The following PDSS2 variants were observed in gnomAD, a reference collection of about 807,000 sequenced individuals.
PDSS2 encodes the protein decaprenyl diphosphate synthase subunit 2.
Under a neutral mutation model 44.5 loss-of-function variants are expected in PDSS2, and 31 were observed. The ratio of observed to expected loss-of-function variants is 0.70; its 90% confidence interval spans 0.52 to 0.94. The LOEUF is 0.94. Ranked by LOEUF, PDSS2 falls within the 40% of genes least tolerant of loss-of-function variation. The probability of loss-of-function intolerance (pLI) is 0.00; values close to 1 mark genes in which losing one functional copy is unlikely to be tolerated. For synonymous variants in PDSS2, 157 were observed against 180.3 expected (o/e 0.87, Z 1.03); for missense variants, 452 against 482.2 (o/e 0.94, Z 0.59).
intron 6 of PDSS2, among the ~76,000 whole-genome samples, chr6:107,210,036 AC>A (rs1773143120): frequency 6.6e-6 from 1 of 152,078 alleles, no homozygotes; most frequent in South Asian, 2.1e-4. Context: ...TTTTAAAATA[AC>A]CCAATGAGCT....
intron 2 of PDSS2, among the ~76,000 whole-genome samples, chr6:107,296,169 G>C (rs939404342): frequency 6.6e-6 from 1 of 152,142 alleles, no homozygotes; most frequent in East Asian, 1.9e-4. Context: ...CCTTTATTTT[G>C]TGAGTCATTG....
chr6:107,225,440 C>T (rs1013664564), intron 4 of PDSS2, among the ~76,000 whole-genome samples: 4 of 151,706 alleles, frequency 2.6e-5, no homozygotes, highest in African/African-American at 9.7e-5. Flanking sequence ...TGTGAGCCAC[C>T]ATGCCTGGCC....
Position 107,176,337 on chromosome 6 carries a change from G to A in PDSS2, c.1041+17485C>T, listed in dbSNP as rs140069726. Among the ~76,000 whole-genome samples the A allele has an allele frequency of 1.3e-3, 190 of 151,802 alleles. 2 individuals carry two copies. Among genetic ancestry groups the A allele is most frequent in the African/African-American group, 4.3e-3 (176 of 41,372 alleles). On this transcript the variant is annotated intron_variant, in intron 7 of 7. Coordinates refer to ENST00000369037, the MANE Select transcript of PDSS2 (RefSeq NM_020381.4). ...GATTACAGGTTGAGCCCCTGCGCCC[G>A]GCCAAAACATGTCTATTTTTGAAAA...
At chr6:107,270,366 C>A (rs974672550) in intron 3 of PDSS2, among the ~76,000 whole-genome samples, 10 of 151,960 alleles carry the variant, frequency 6.6e-5, no homozygotes. Context: ...CTCGCCTCAG[C>A]CTCCGAAAGT....
chr6:107,286,137 A>AAAT (rs1562435595), intron 2 of PDSS2, among the ~76,000 whole-genome samples: 2 of 15,476 alleles, frequency 1.3e-4, no homozygotes, highest in African/African-American at 2.0e-4. Flanking sequence ...GTCGCAAAAT[A>AAAT]AAAAAAAAAA....
intron 1 of PDSS2, among the ~76,000 whole-genome samples, chr6:107,447,972 C>T (rs1393232319): frequency 6.6e-6 from 1 of 152,228 alleles, no homozygotes; most frequent in Non-Finnish European, 1.5e-5. Context: ...TGGAAGCTGC[C>T]AAGGCTTGGG....
intron 1 of PDSS2, among the ~76,000 whole-genome samples, chr6:107,407,537 A>G (rs1021188062): frequency 6.6e-6 from 1 of 152,226 alleles, no homozygotes; most frequent in Non-Finnish European, 1.5e-5. Context: ...CCAACTTGTT[A>G]GCAATGGGTT....
chr6:107,415,284 C>T (rs1276502075), intron 1 of PDSS2, among the ~76,000 whole-genome samples: 2 of 152,012 alleles, frequency 1.3e-5, no homozygotes, highest in East Asian at 3.9e-4. Flanking sequence ...ATCTTTTTAC[C>T]TCCCATTTTA....
In PDSS2 at chr6:107,337,039, C is replaced by CCACACACA. The variant is rs71861456; in HGVS notation, c.297-2715_297-2708dup. ...TCTCAGAAATAGGACCTTTCACATA[C>CCACACACA]CACACACACACACACACACACACAC... On this transcript the variant is annotated intron_variant, in intron 1 of 7. Transcript: ENST00000369037. Among the ~76,000 whole-genome samples the CCACACACA allele has an allele frequency of 3.7e-3, 522 of 141,580 alleles. 5 individuals carry two copies. The highest frequency in any genetic ancestry group is 5.9e-3 in the African/African-American group (218 of 36,906). 92.9% of individuals were successfully genotyped at this position (141,580 alleles called of 152,430 possible).
intron 1 of PDSS2, among the ~76,000 whole-genome samples, chr6:107,393,280 ATTGT>A (rs1235346825): frequency 1.3e-5 from 2 of 152,104 alleles, no homozygotes; most frequent in African/African-American, 4.8e-5. Flanking sequence ...TTAGAAGACT[ATTGT>A]TTAATTTCTA....
intron 7 of PDSS2, among the ~76,000 whole-genome samples, chr6:107,161,399 G>C (rs1274328121): frequency 6.6e-6 from 1 of 151,360 alleles, no homozygotes; most frequent in African/African-American, 2.4e-5. Flanking sequence ...AGAATGGCGT[G>C]ACCCCGGGAG....
chr6:107,280,078 G>C (rs903553030), intron 2 of PDSS2, among the ~76,000 whole-genome samples: 9 of 151,110 alleles, frequency 6.0e-5, no homozygotes, highest in African/African-American at 1.9e-4. Flanking sequence ...TCTTTTTTTT[G>C]AGATGGAGTC....
At chr6:107,452,956 C>A (rs143226128) in intron 1 of PDSS2, among the ~76,000 whole-genome samples, 2,697 of 152,264 alleles carry the variant, frequency 0.018, 88 homozygotes, top group East Asian at 0.13. Flanking sequence ...TGAGCCACCA[C>A]GCCTGGCCAG....
intron 2 of PDSS2, among the ~76,000 whole-genome samples, chr6:107,292,783 G>A (rs1776388266): frequency 6.6e-6 from 1 of 152,178 alleles, no homozygotes; most frequent in Non-Finnish European, 1.5e-5. Context: ...AGGAGGGGCA[G>A]CTAACTAATA....
At chr6:107,368,420 TAAA>T (rs1779028969) in intron 1 of PDSS2, among the ~76,000 whole-genome samples, 2 of 152,214 alleles carry the variant, frequency 1.3e-5, no homozygotes, top group South Asian at 2.1e-4. Context: ...TTTACTGAGA[TAAA>T]GAAGATCTAA....
At chr6:107,393,432 T>C (rs1383012575) in intron 1 of PDSS2, among the ~76,000 whole-genome samples, 1 of 152,168 alleles carries the variant, frequency 6.6e-6, no homozygotes, top group Non-Finnish European at 1.5e-5. Flanking sequence ...ATGGTTAATC[T>C]AAGTGAAGTT....
chr6:107,394,311 C>T (rs1779874194), intron 1 of PDSS2, among the ~76,000 whole-genome samples: 1 of 152,112 alleles, frequency 6.6e-6, no homozygotes, highest in Admixed American at 6.5e-5. Context: ...GTTTAACTGG[C>T]TTACGGTTCT....
At chr6:107,170,645 A>G (rs1771540551) in intron 7 of PDSS2, among the ~76,000 whole-genome samples, 1 of 123,824 alleles carries the variant, frequency 8.1e-6, no homozygotes, top group East Asian at 2.5e-4. Context: ...AGACAGCCTC[A>G]CTCTGACACC....
rs1247677727 is a variant in PDSS2, at chr6:107,213,013, C to T, written c.703-731G>A. Among the ~76,000 whole-genome samples the T allele has an allele frequency of 2.0e-5, 3 of 151,792 alleles. No homozygotes were observed. In the East Asian group the frequency reaches 5.9e-4, roughly 30 times the overall value. On this transcript the variant is annotated intron_variant, in intron 4 of 7. Transcript: ENST00000369037. Reference sequence around the variant, plus strand: ...GAGCAAGACCCTGTCTCTTTCTCTCCCCCTCTTTTTATTTGAGACAGGGTC... The same window carrying T: ...GAGCAAGACCCTGTCTCTTTCTCTCTCCCTCTTTTTATTTGAGACAGGGTC...
Sources: gnomAD v4.1 joint callset for allele counts (sites outside exome capture counted in the v4.1 genomes callset) on GRCh38, gnomAD v4.1.1 for gene constraint, MANE v1.5 for transcripts, NCBI Gene and HGNC (gene_info 2026-07-23, HGNC 2026-07-21) for gene names.